SPRTN: variants seen among roughly 807,000 people sequenced by gnomAD.
The protein encoded by SPRTN is SprT-like N-terminal domain, also known as DNA-dependent metalloprotease SPRTN.
In SPRTN, 11 loss-of-function variants were observed where a neutral mutation model predicts 31.9. The observed-to-expected ratio is 0.34, with a 90% confidence interval of 0.22 to 0.57. SPRTN has a LOEUF of 0.57. Ranked by LOEUF, SPRTN falls within the 20% of genes least tolerant of loss-of-function variation. The pLI, the probability that SPRTN is intolerant of heterozygous loss-of-function variation, is 0.86. For missense variants in SPRTN, 482 were observed against 590.1 expected (o/e 0.82, Z 1.90); for synonymous variants, 185 against 212.1 (o/e 0.87, Z 1.11).
In SPRTN at chr1:231,352,636, C is replaced by A; in HGVS notation, c.745C>A (p.Leu249Ile). The A allele has an allele frequency of 6.3e-7, 1 of 1,598,960 alleles. No homozygotes were observed. The highest frequency in any genetic ancestry group is 8.5e-7 in the Non-Finnish European group (1 of 1,174,726). The change falls in exon 5 of 5, where the codon CTA becomes ATA. Residue 249 changes from leucine to isoleucine, a missense_variant. By Grantham distance (5) the Leu-to-Ile change is conservative (BLOSUM62 2). This residue lies in a region of SPRTN where 325 missense variants were observed against 350.2 expected (regional missense o/e 0.93). Transcript: ENST00000295050. ...KDKPNRGEAQ[L>I]VIPFSGKGYV... Reference sequence around the variant, plus strand: ...TAAACCCAACAGAGGTGAGGCCCAGCTAGTAATCCCTTTTAGTGGGAAAGG... The same window carrying A: ...TAAACCCAACAGAGGTGAGGCCCAGATAGTAATCCCTTTTAGTGGGAAAGG...
At chr1:231,349,262 G>C (rs1687151672) in intron 3 of SPRTN, among the ~76,000 whole-genome samples, 1 of 152,074 alleles carries the variant, frequency 6.6e-6, no homozygotes, top group South Asian at 2.1e-4. Flanking sequence ...ATAGACATGA[G>C]CTACCATGCC....
intron 2 of SPRTN, among the ~76,000 whole-genome samples, chr1:231,346,832 C>G (rs567816214): frequency 6.6e-6 from 1 of 152,150 alleles, no homozygotes; most frequent in East Asian, 1.9e-4. Context: ...GTGCCAGCTA[C>G]TCAGGAGGCT....
intron 2 of SPRTN, chr1:231,347,564 A>C (rs950070883): frequency 2.4e-6 from 1 of 420,190 alleles, no homozygotes; most frequent in Middle Eastern, 6.5e-4. Flanking sequence ...GGGTTTCGCC[A>C]TGTTGCCCAG....
chr1:231,350,748 A>G lies in SPRTN; in HGVS notation c.451-556A>G, dbSNP rs147623262. ...GTACCTCATAAGGCTTATTACAGAG[A>G]CATAAGCACAGAACTTGGAGAATGT... On this transcript the variant is annotated intron_variant, in intron 3 of 4. Transcript: ENST00000295050. Among the ~76,000 whole-genome samples, 1,108 of 152,260 alleles carry G rather than the reference A, an allele frequency of 7.3e-3. 8 individuals carry two copies. Among genetic ancestry groups the G allele is most frequent in the South Asian group, 0.011 (52 of 4,826 alleles).
intron 2 of SPRTN, among the ~76,000 whole-genome samples, chr1:231,347,262 C>T (rs949319372): frequency 2.0e-5 from 3 of 152,080 alleles, no homozygotes; most frequent in African/African-American, 7.2e-5. Flanking sequence ...GATTTTGGAG[C>T]ATTTTGGATT....
At chr1:231,343,952 A>G (rs1686976268) in intron 2 of SPRTN, among the ~76,000 whole-genome samples, 1 of 152,162 alleles carries the variant, frequency 6.6e-6, no homozygotes, top group Admixed American at 6.5e-5. Context: ...TTTTAACCCG[A>G]TAGAACAGTC....
Position 231,338,422 on chromosome 1 carries a change from G to C in SPRTN, c.39G>C (p.Glu13Asp). 1 of 1,614,294 alleles carries C rather than the reference G, an allele frequency of 6.2e-7. No homozygotes were observed. Among genetic ancestry groups the C allele is most frequent in the African/African-American group, 1.3e-5 (1 of 75,080 alleles). The change falls in exon 1 of 5, where the codon GAG becomes GAC. Residue 13 changes from glutamate to aspartate, a missense_variant. Transcript: ENST00000295050. ...TGATGTTGGCACTGCGGCTTCAGGA[G>C]GAGTGGAACTTGCAGGAGGCGGAGC... The part of the protein sequence containing the change: ...DDLMLALRLQ[E>D]EWNLQEAERD...
At chr1:231,347,531 T>G (rs1687096102) in intron 2 of SPRTN, 2 of 308,124 alleles carry the variant, frequency 6.5e-6, no homozygotes, top group Admixed American at 9.4e-5. Context: ...CCTGGCTAAT[T>G]TTTGTATTTT....
chr1:231,349,148 A>T (rs1687148133), intron 3 of SPRTN, among the ~76,000 whole-genome samples: 2 of 151,578 alleles, frequency 1.3e-5, no homozygotes, highest in African/African-American at 2.4e-5. Context: ...TTTAAAAAAA[A>T]ATTTTTTTTT....
At chr1:231,351,215 A>T (rs1013978303) in intron 3 of SPRTN, 89 bp from the exon 4 acceptor site, 1 of 1,171,756 alleles carries the variant, frequency 8.5e-7, no homozygotes, top group African/African-American at 1.6e-5. Context: ...TAAAAAAAAA[A>T]AAAAAAAAAA....
At chr1:231,349,786 G>T (rs866724101) in intron 3 of SPRTN, among the ~76,000 whole-genome samples, 2 of 152,162 alleles carry the variant, frequency 1.3e-5, no homozygotes, top group Admixed American at 6.5e-5. Context: ...GAAGTGGGAG[G>T]GTAACTTGAG....
intron 2 of SPRTN, among the ~76,000 whole-genome samples, chr1:231,345,922 C>T (rs183403730): frequency 6.6e-4 from 100 of 152,194 alleles, no homozygotes; most frequent in African/African-American, 2.1e-3. Context: ...AAGTGATCCT[C>T]CCATCTCCGC....
At chr1:231,339,905 T>C (rs1686813528) in intron 2 of SPRTN, 37 bp downstream of exon 2, 3 of 1,584,564 alleles carry the variant, frequency 1.9e-6, no homozygotes, top group African/African-American at 2.7e-5. Context: ...AGCGCAGTAA[T>C]TTACAAATAC....
intron 2 of SPRTN, chr1:231,344,520 G>A (rs1558363818): frequency 5.8e-6 from 1 of 173,404 alleles, no homozygotes; most frequent in East Asian, 1.8e-4. Context: ...GAAATAATAA[G>A]ATAAATAAAT....
At chr1:231,352,243 C>T (rs779892771) in intron 4 of SPRTN, 24 of 1,005,618 alleles carry the variant, frequency 2.4e-5, no homozygotes, top group South Asian at 4.4e-5. Flanking sequence ...ATGGAAAGAC[C>T]GTATCTTCAT....
At position 231,353,378 on chromosome 1, in the gene SPRTN, T is replaced by G; in HGVS notation, c.*17T>G. 1 of 1,555,914 alleles carries G rather than the reference T, an allele frequency of 6.4e-7. No homozygotes were observed. The highest frequency in any genetic ancestry group is 8.6e-7 in the Non-Finnish European group (1 of 1,158,090). Reference sequence around the variant, plus strand: ...AGTCTTTGAAAAAGGTTTCAAAGTCTCAAGTACCACCTGTATTATCTCACT... The same window carrying G: ...AGTCTTTGAAAAAGGTTTCAAAGTCGCAAGTACCACCTGTATTATCTCACT... On this transcript the variant is annotated 3_prime_UTR_variant, in exon 5 of 5. Transcript: ENST00000295050.
intron 4 of SPRTN, chr1:231,351,773 TA>T: frequency 1.6e-6 from 2 of 1,218,846 alleles, no homozygotes; most frequent in Middle Eastern, 3.2e-4. Context: ...CAGAAGTAAG[TA>T]AAAGTAGGAA....
chr1:231,341,739 C>T (rs1408238289), intron 2 of SPRTN, among the ~76,000 whole-genome samples: 1 of 152,204 alleles, frequency 6.6e-6, no homozygotes, highest in Non-Finnish European at 1.5e-5. Flanking sequence ...ATAATCCCAG[C>T]ACTTTGGGAA....
rs1022412784 is a variant in SPRTN at position 231,350,813 on chromosome 1, T to C, written c.451-491T>C. Among the ~76,000 whole-genome samples the C allele has an allele frequency of 5.9e-5, 7 of 119,322 alleles. No homozygotes were observed. In the Admixed American group the frequency reaches 6.0e-4, roughly 10 times the overall value. The allele number at this position is 119,322 out of a possible 152,430, so 78.3% of individuals were successfully genotyped here. The stretch of plus-strand genomic sequence containing the variant: ...GCAGAAGCTTCACTGGGTAAGATAC[T>C]TGTGTTGTTAGCGTCAGTCAGGCAT... On this transcript the variant is annotated intron_variant, in intron 3 of 4. Transcript: ENST00000295050.
Sources: gnomAD v4.1 joint callset for allele counts (sites outside exome capture counted in the v4.1 genomes callset) on GRCh38, gnomAD v4.1.1 for gene constraint, gnomAD v4.1.1 regional missense constraint, MANE v1.5 for transcripts, NCBI Gene and HGNC (gene_info 2026-07-23, HGNC 2026-07-21) for gene names.